Variants in ADTRP observed in about 807,000 individuals in gnomAD.
ADTRP encodes the protein androgen-dependent TFPI-regulating protein.
ADTRP carries 20 observed loss-of-function variants against 27.0 expected under a neutral mutation model. The observed-to-expected ratio is 0.74, with a 90% CI of 0.52 to 1.08. The LOEUF is 1.08. Ranked by LOEUF, ADTRP falls within the 50% of genes least tolerant of loss-of-function variation. The probability of loss-of-function intolerance (pLI) is 0.00; values close to 1 mark genes in which losing one functional copy is unlikely to be tolerated. For synonymous variants in ADTRP, 101 were observed against 105.2 expected (o/e 0.96, Z 0.25); for missense variants, 251 against 275.0 (o/e 0.91, Z 0.62).
intron 4 of ADTRP, 148 bp downstream of exon 4, chr6:11,735,420 A>C: frequency 1.6e-6 from 1 of 632,846 alleles, no homozygotes; most frequent in Non-Finnish European, 2.7e-6. Flanking sequence ...TCAAACAATA[A>C]GAATGCTTCT....
At chr6:11,752,271 A>G (rs2113288604) in intron 3 of ADTRP, among the ~76,000 whole-genome samples, 1 of 152,280 alleles carries the variant, frequency 6.6e-6, no homozygotes, top group Middle Eastern at 3.4e-3. Flanking sequence ...TGGGTGTCTT[A>G]TGAAATATTT....
intron 3 of ADTRP, among the ~76,000 whole-genome samples, chr6:11,749,074 T>A: frequency 6.6e-6 from 1 of 152,030 alleles, no homozygotes; most frequent in Admixed American, 6.6e-5. Context: ...TGTATTTAGG[T>A]GAGAAATAAA....
intron 3 of ADTRP, chr6:11,736,300 C>T (rs1289778263): frequency 1.3e-5 from 2 of 153,194 alleles, no homozygotes; most frequent in African/African-American, 2.4e-5. Context: ...CATGCACACT[C>T]GCACTCAAGC....
intron 1 of ADTRP, among the ~76,000 whole-genome samples, chr6:11,769,523 G>A (rs925772608): frequency 2.6e-5 from 4 of 152,062 alleles, no homozygotes; most frequent in African/African-American, 9.7e-5. Flanking sequence ...CCCAGACTAC[G>A]GAATCAAAAT....
chr6:11,741,327 C>T (rs556681106), intron 3 of ADTRP, among the ~76,000 whole-genome samples: 19 of 152,318 alleles, frequency 1.2e-4, no homozygotes, highest in East Asian at 3.9e-4. Context: ...GTGGAATCTA[C>T]GTGGTAGGTG....
At chr6:11,744,445 G>A (rs746056167) in intron 3 of ADTRP, among the ~76,000 whole-genome samples, 3 of 152,208 alleles carry the variant, frequency 2.0e-5, no homozygotes, top group Non-Finnish European at 4.4e-5. Flanking sequence ...CCACTCTATA[G>A]TCACTAAATG....
chr6:11,729,101 C>T (rs943008336), intron 4 of ADTRP, among the ~76,000 whole-genome samples: 4 of 152,148 alleles, frequency 2.6e-5, no homozygotes, highest in Admixed American at 6.5e-5. Context: ...ATAACTTCTG[C>T]GTCTTATCAG....
rs373783556 is a variant in ADTRP at position 11,731,475 on chromosome 6, C to T, written c.506+4093G>A. On this transcript the variant is annotated intron_variant, in intron 4 of 5. Coordinates refer to ENST00000414691, the MANE Select transcript of ADTRP (RefSeq NM_032744.4). ...TTTTCTATACTATGTCCAACATCCT[C>T]TAGTCTGCCATCTGCAAGCCTTCAT... 4.6e-5 allele frequency among the ~76,000 whole-genome samples: 7 copies of T among 152,186 alleles called. No individual in the cohort carries two copies. In the East Asian group the frequency reaches 7.7e-4, roughly 17 times the overall value.
At chr6:11,748,828 C>T (rs1762948632) in intron 3 of ADTRP, among the ~76,000 whole-genome samples, 2 of 152,164 alleles carry the variant, frequency 1.3e-5, no homozygotes, top group African/African-American at 4.8e-5. Flanking sequence ...ACAGTAAAGC[C>T]TGGAATGGCT....
intron 1 of ADTRP, among the ~76,000 whole-genome samples, chr6:11,771,661 C>G (rs9462093): frequency 0.028 from 4,189 of 152,324 alleles, 176 homozygotes; most frequent in African/African-American, 0.095. Flanking sequence ...ATATCCCCCA[C>G]CAACCACCAC....
chr6:11,749,917 A>G (rs1157711426), intron 3 of ADTRP, among the ~76,000 whole-genome samples: 4 of 152,302 alleles, frequency 2.6e-5, no homozygotes, highest in East Asian at 3.9e-4. Flanking sequence ...AAATCTTTGT[A>G]AGAAACAGTG....
At chr6:11,741,282 A>G (rs1256085727) in intron 3 of ADTRP, among the ~76,000 whole-genome samples, 11 of 152,236 alleles carry the variant, frequency 7.2e-5, no homozygotes, top group Admixed American at 6.5e-4. Flanking sequence ...AGGTGGAGAG[A>G]TTTGTGAGAA....
At chr6:11,758,192 G>C (rs1298940735) in intron 3 of ADTRP, among the ~76,000 whole-genome samples, 2 of 152,086 alleles carry the variant, frequency 1.3e-5, no homozygotes, top group African/African-American at 4.8e-5. Flanking sequence ...AGCATCTTGT[G>C]GCTTGTTCTT....
intron 4 of ADTRP, among the ~76,000 whole-genome samples, chr6:11,730,800 T>G (rs1163254758): frequency 6.6e-6 from 1 of 152,240 alleles, no homozygotes; most frequent in Admixed American, 6.5e-5. Context: ...GTACGGGGCA[T>G]GCAATACTTT....
chr6:11,777,246 TTGTG>T lies in ADTRP; in HGVS notation c.153+1357_153+1360del, dbSNP rs3830754. On this transcript the variant is annotated intron_variant, in intron 1 of 5. Transcript: ENST00000414691. ...GCTAGAATTAAAAAGTCAGGATCAG[TTGTG>T]TGTGTGTGTGTGTGTGTATACAAAG... Among the ~76,000 whole-genome samples the T allele has an allele frequency of 2.7e-4, 41 of 150,384 alleles. No homozygotes were observed. The South Asian group carries it at 6.1e-3, about 22-fold the overall frequency.
At chr6:11,742,192 C>T (rs879543553) in intron 3 of ADTRP, among the ~76,000 whole-genome samples, 1 of 152,170 alleles carries the variant, frequency 6.6e-6, no homozygotes, top group Admixed American at 6.5e-5. Context: ...TTGCCTCTGT[C>T]CACTATCTAT....
intron 1 of ADTRP, among the ~76,000 whole-genome samples, chr6:11,775,036 G>A (rs775912469): frequency 2.6e-5 from 4 of 152,170 alleles, no homozygotes; most frequent in Non-Finnish European, 5.9e-5. Flanking sequence ...ACGGCCTGGT[G>A]CCTGCGGGCA....
chr6:11,730,370 C>T (rs1246196266), intron 4 of ADTRP, among the ~76,000 whole-genome samples: 4 of 152,106 alleles, frequency 2.6e-5, no homozygotes, highest in Non-Finnish European at 2.9e-5. Flanking sequence ...ATTTTGGAAA[C>T]GGTAACAGTG....
chr6:11,770,048 G>A, intron 1 of ADTRP: 4 of 1,551,704 alleles, frequency 2.6e-6, no homozygotes, highest in Non-Finnish European at 3.5e-6. Context: ...AAGCTTCCTG[G>A]CTGGTAGATG....
Sources: allele counts gnomAD v4.1 joint callset (sites outside exome capture counted in the v4.1 genomes callset), GRCh38; gene constraint gnomAD v4.1.1; transcripts MANE v1.5; gene names NCBI Gene and HGNC (gene_info 2026-07-23, HGNC 2026-07-21).